The following SEMA5A variants were observed in gnomAD, a reference collection of about 807,000 sequenced individuals.
SEMA5A encodes semaphorin 5A, also known as semaphorin-5A.
In SEMA5A, 55 loss-of-function variants were observed where a neutral mutation model predicts 135.5. The observed-to-expected ratio is 0.41, with a 90% CI of 0.33 to 0.51. The LOEUF is 0.51. Among genes scored for constraint, SEMA5A ranks in the 20% least tolerant of loss-of-function variants. The pLI is 0.37. For missense variants in SEMA5A, 1,290 were observed against 1,419.9 expected (o/e 0.91, Z 1.47); for synonymous variants, 580 against 546.5 (o/e 1.06, Z -0.85).
In SEMA5A at chr5:9,224,691, T is replaced by C; in HGVS notation, c.629A>G (p.Asn210Ser). 6.2e-7 allele frequency: 1 copy of C among 1,613,896 alleles called. No homozygotes were observed. Among genetic ancestry groups the C allele is most frequent in the Non-Finnish European group, 8.5e-7 (1 of 1,179,950 alleles). ...ILPPLRTAQY[N>S]SKWLNEPNFV... ...AGGCTTACCATTGAGCCATTTGGAG[T>C]TGTACTGCGCCGTGCGGAGAGGAGG... Residue 210 changes from asparagine to serine, a missense_variant, in exon 8 of 23, where the codon AAC becomes AGC. Physicochemically the swap from Asn to Ser is conservative, Grantham distance 46 (BLOSUM62 1). This residue lies in a region of SEMA5A where 145 missense variants were observed against 212.0 expected (regional missense o/e 0.68). Coordinates refer to ENST00000382496, the MANE Select transcript of SEMA5A (RefSeq NM_003966.3).
intron 8 of SEMA5A, among the ~76,000 whole-genome samples, chr5:9,210,169 T>C (rs983646962): frequency 6.6e-6 from 1 of 152,212 alleles, no homozygotes; most frequent in African/African-American, 2.4e-5. Context: ...GATTTACTCA[T>C]CCCTTTTCTT....
intron 16 of SEMA5A, among the ~76,000 whole-genome samples, chr5:9,091,152 C>A (rs1739011334): frequency 6.6e-6 from 1 of 152,174 alleles, no homozygotes; most frequent in African/African-American, 2.4e-5. Context: ...AGTGCTAAAG[C>A]AACAAATGGA....
At chr5:9,124,443 C>T (rs1579438039) in intron 13 of SEMA5A, among the ~76,000 whole-genome samples, 1 of 152,214 alleles carries the variant, frequency 6.6e-6, no homozygotes, top group Middle Eastern at 3.4e-3. Flanking sequence ...AGGCCTAAGT[C>T]TAAGCCTCCT....
chr5:9,259,471 A>G (rs112922210), intron 5 of SEMA5A, among the ~76,000 whole-genome samples: 3,445 of 150,408 alleles, frequency 0.023, 130 homozygotes, highest in African/African-American at 0.081. Context: ...CTTTACTTCC[A>G]ACTATGTGGT....
chr5:9,337,496 C>T (rs1330154441), intron 4 of SEMA5A, among the ~76,000 whole-genome samples: 1 of 152,180 alleles, frequency 6.6e-6, no homozygotes, highest in Non-Finnish European at 1.5e-5. Flanking sequence ...CAGTTACTGG[C>T]ACAGGGTGAG....
chr5:9,334,229 T>C (rs1037025618), intron 4 of SEMA5A, among the ~76,000 whole-genome samples: 3 of 152,162 alleles, frequency 2.0e-5, no homozygotes, highest in Non-Finnish European at 2.9e-5. Context: ...AAAAATCGAC[T>C]ATTATTCTAT....
chr5:9,364,080 G>A (rs1476227307), intron 3 of SEMA5A, among the ~76,000 whole-genome samples: 1 of 152,104 alleles, frequency 6.6e-6, no homozygotes, highest in Non-Finnish European at 1.5e-5. Flanking sequence ...CACATGCAAA[G>A]TTCACTATAA....
chr5:9,501,919 G>T (rs1735618823), intron 1 of SEMA5A, among the ~76,000 whole-genome samples: 1 of 152,086 alleles, frequency 6.6e-6, no homozygotes, highest in Non-Finnish European at 1.5e-5. Context: ...TCCACCCGTA[G>T]AAAACATAAC....
intron 1 of SEMA5A, among the ~76,000 whole-genome samples, chr5:9,479,527 C>T (rs1759794143): frequency 6.6e-6 from 1 of 152,188 alleles, no homozygotes; most frequent in East Asian, 1.9e-4. Flanking sequence ...TCAGCTTCCT[C>T]ATCTGTAACA....
intron 2 of SEMA5A, among the ~76,000 whole-genome samples, chr5:9,408,708 C>T (rs1756992106): frequency 1.3e-5 from 2 of 152,142 alleles, no homozygotes; most frequent in Admixed American, 1.3e-4. Flanking sequence ...AAAGGGACAT[C>T]AAGAAAGGTG....
chr5:9,285,899 TATA>T (rs1228389170), intron 5 of SEMA5A, among the ~76,000 whole-genome samples: 10 of 152,362 alleles, frequency 6.6e-5, no homozygotes, highest in African/African-American at 2.2e-4. Flanking sequence ...AAAATAGATT[TATA>T]ATGTTTCTGA....
At chr5:9,242,935 A>G (rs1748283304) in intron 5 of SEMA5A, among the ~76,000 whole-genome samples, 2 of 152,230 alleles carry the variant, frequency 1.3e-5, no homozygotes, top group Admixed American at 1.3e-4. Context: ...AAAATGTGTT[A>G]TAATAATTTT....
chr5:9,426,703 G>A (rs1050443801), intron 2 of SEMA5A, among the ~76,000 whole-genome samples: 1 of 152,212 alleles, frequency 6.6e-6, no homozygotes, highest in African/African-American at 2.4e-5. Context: ...TCATGCACAC[G>A]TGATTAGAAA....
At chr5:9,449,236 C>T (rs1230271934) in intron 1 of SEMA5A, among the ~76,000 whole-genome samples, 2 of 152,102 alleles carry the variant, frequency 1.3e-5, no homozygotes, top group Admixed American at 6.5e-5. Context: ...ACTATGCAGC[C>T]ATTAAAAGGG....
intron 11 of SEMA5A, among the ~76,000 whole-genome samples, chr5:9,175,606 TC>T (rs1405326836): frequency 2.6e-5 from 4 of 152,194 alleles, no homozygotes; most frequent in African/African-American, 7.2e-5. Context: ...CCAGAATTTT[TC>T]TTTTTCATTA....
chr5:9,447,996 C>T (rs184964861), intron 1 of SEMA5A, among the ~76,000 whole-genome samples: 7 of 152,228 alleles, frequency 4.6e-5, no homozygotes, highest in Non-Finnish European at 7.4e-5. Context: ...CTGATCCAGT[C>T]GGACACCCAA....
At chr5:9,168,557 G>A (rs1463980690) in intron 11 of SEMA5A, among the ~76,000 whole-genome samples, 1 of 152,188 alleles carries the variant, frequency 6.6e-6, no homozygotes, top group Non-Finnish European at 1.5e-5. Context: ...ACGGCCAAGG[G>A]CCTCCCTCCA....
chr5:9,100,044 C>T (rs367591344), intron 16 of SEMA5A, among the ~76,000 whole-genome samples: 4 of 152,182 alleles, frequency 2.6e-5, no homozygotes, highest in Admixed American at 6.5e-5. Context: ...ATGGAGAAGC[C>T]GTGTGCTAAA....
intron 16 of SEMA5A, among the ~76,000 whole-genome samples, chr5:9,070,023 A>C (rs1737689392): frequency 1.3e-5 from 2 of 152,096 alleles, no homozygotes; most frequent in Admixed American, 1.3e-4. Flanking sequence ...CCTCACTCCG[A>C]GCCAGCCTGG....
Sources: allele counts gnomAD v4.1 joint callset (sites outside exome capture counted in the v4.1 genomes callset), GRCh38; gene constraint gnomAD v4.1.1; regional missense constraint gnomAD v4.1.1; transcripts MANE v1.5; gene names NCBI Gene and HGNC (gene_info 2026-07-23, HGNC 2026-07-21).